The following KDM4B variants were observed in gnomAD, a reference collection of about 807,000 sequenced individuals.
KDM4B encodes lysine demethylase 4B.
Under a neutral mutation model 125.2 loss-of-function variants are expected in KDM4B, and 32 were observed. The ratio of observed to expected loss-of-function variants is 0.26; its 90% confidence interval spans 0.19 to 0.34. KDM4B has a LOEUF of 0.34. Among genes scored for constraint, KDM4B ranks in the 10% least tolerant of loss-of-function variants. KDM4B has a pLI of 1.00. For synonymous variants in KDM4B, 721 were observed against 677.9 expected, an observed-to-expected ratio of 1.06 and a Z score of -0.99; for missense variants, 1,190 against 1,577.7, an observed-to-expected ratio of 0.75 and a Z score of 4.16.
rs758602495 is a variant in KDM4B, at chr19:5,082,350, C to T, written c.781-17C>T. The T allele has an allele frequency of 6.2e-7, 1 of 1,613,304 alleles. No individual in the cohort carries two copies. The highest frequency in any genetic ancestry group is 8.5e-7 in the Non-Finnish European group (1 of 1,179,860). On this transcript the variant is annotated splice_polypyrimidine_tract_variant and intron_variant, in intron 8 of 22. Coordinates refer to ENST00000159111, the MANE Select transcript of KDM4B (RefSeq NM_015015.3). This position sits in a 1 kb window ranked among gnomAD's most constrained non-coding sequence, Gnocchi z 5.4. ...CTCTGGTGGCCCTGCCCTCACCTGT[C>T]TCCTTTCCCTCTGCAGATCACGCAG...
intron 2 of KDM4B, among the ~76,000 whole-genome samples, chr19:5,029,041 G>T (rs1414668906): frequency 1.3e-5 from 2 of 152,178 alleles, no homozygotes; most frequent in Non-Finnish European, 2.9e-5. Context: ...CTCCCAAGTA[G>T]CTGGGAGTAC....
At chr19:5,128,584 C>A (rs1015659835) in intron 11 of KDM4B, among the ~76,000 whole-genome samples, 1 of 152,206 alleles carries the variant, frequency 6.6e-6, no homozygotes, top group East Asian at 1.9e-4. Context: ...TTTACACACG[C>A]AGGACAGTGG....
chr19:5,016,636 C>T lies in KDM4B; in HGVS notation c.-26+297C>T, dbSNP rs190567755. ...AAAAGCTGTGGCTCCTCCTGCATTT[C>T]GGGTGACACTGGGGTTTCCCAGGAC... is the stretch of plus-strand genomic sequence containing the variant. On this transcript the variant is annotated intron_variant, in intron 2 of 22. Transcript: ENST00000159111. Among the ~76,000 whole-genome samples the T allele has an allele frequency of 4.6e-5, 7 of 152,330 alleles. No individual in the cohort carries two copies. In the East Asian group the frequency reaches 5.8e-4, roughly 13 times the overall value.
chr19:5,144,441 G>A (rs766568772), intron 20 of KDM4B, 29 bp downstream of exon 20: 2 of 1,538,560 alleles, frequency 1.3e-6, no homozygotes, highest in African/African-American at 1.4e-5. Flanking sequence ...CAGGGGGCGG[G>A]GGGAGGCTGG....
At chr19:4,986,882 T>C (rs996954222) in intron 1 of KDM4B, among the ~76,000 whole-genome samples, 1 of 152,096 alleles carries the variant, frequency 6.6e-6, no homozygotes, top group African/African-American at 2.4e-5. Context: ...CAGTGCCTGC[T>C]GCCTAGTCAG....
chr19:5,093,571 G>T (rs1420172759), intron 9 of KDM4B, among the ~76,000 whole-genome samples: 1 of 152,204 alleles, frequency 6.6e-6, no homozygotes, highest in Admixed American at 6.5e-5. Flanking sequence ...GAAACAGGGG[G>T]CCCACTCGTC....
chr19:5,043,473 G>T (rs2036899228), intron 5 of KDM4B, among the ~76,000 whole-genome samples: 1 of 128,010 alleles, frequency 7.8e-6, no homozygotes, highest in African/African-American at 3.0e-5. Flanking sequence ...TTATCGGAGT[G>T]GGGGTGTCCA....
intron 1 of KDM4B, among the ~76,000 whole-genome samples, chr19:5,013,576 G>A (rs1273770139): frequency 2.0e-5 from 3 of 152,146 alleles, no homozygotes; most frequent in African/African-American, 7.2e-5. Flanking sequence ...TCCTCTCCCA[G>A]CGTCTAGAGG....
rs2039961128 is a variant in KDM4B at position 5,152,223 on chromosome 19, C to A, written c.*712C>A. 1 of 152,264 alleles carries A rather than the reference C, an allele frequency of 6.6e-6. No individual in the cohort carries two copies. The highest frequency in any genetic ancestry group is 2.4e-5 in the African/African-American group (1 of 41,462). 9.4% of individuals were successfully genotyped at this position (152,264 alleles called of 1,614,324 possible). On this transcript the variant is annotated 3_prime_UTR_variant, in exon 23 of 23. Coordinates refer to ENST00000159111, the MANE Select transcript of KDM4B (RefSeq NM_015015.3). ...TCTGGTGCCAGTGCCTGTGCCCACT[C>A]TGTGCCTGCTGGGAGGAGGCCCAGG...
intron 10 of KDM4B, chr19:5,113,796 C>A: frequency 1.4e-6 from 1 of 716,402 alleles, no homozygotes; most frequent in Non-Finnish European, 1.7e-6. Context: ...CAAGGGATGG[C>A]ATCAGGGTGG....
At chr19:5,052,386 G>A (rs2037257883) in intron 6 of KDM4B, among the ~76,000 whole-genome samples, 1 of 149,456 alleles carries the variant, frequency 6.7e-6, no homozygotes, top group South Asian at 2.1e-4. Flanking sequence ...GGGTGGGGAG[G>A]GTGGGTTCCA....
At chr19:5,020,128 TGTTGGTGTGGATGTTGGTGTGCAGG>T in intron 2 of KDM4B, among the ~76,000 whole-genome samples, 1 of 107,274 alleles carries the variant, frequency 9.3e-6, no homozygotes, top group Non-Finnish European at 2.3e-5. Flanking sequence ...AGTGTGCAGG[TGTTGGTGTGGATGTTGGTGTGCAGG>T]TGTTGGTGTG....
At chr19:5,094,985 G>A (rs1342033907) in intron 9 of KDM4B, among the ~76,000 whole-genome samples, 1 of 151,980 alleles carries the variant, frequency 6.6e-6, no homozygotes, top group African/African-American at 2.4e-5. Flanking sequence ...CTCGGGGGCG[G>A]CGCCGGGGGC....
At chr19:5,097,907 G>A (rs954562686) in intron 9 of KDM4B, among the ~76,000 whole-genome samples, 1 of 152,244 alleles carries the variant, frequency 6.6e-6, no homozygotes, top group Admixed American at 6.5e-5. Flanking sequence ...GCTCAGCAGA[G>A]CCGTCGTGGA....
At chr19:5,061,090 C>T (rs1401077442) in intron 6 of KDM4B, among the ~76,000 whole-genome samples, 11 of 152,204 alleles carry the variant, frequency 7.2e-5, no homozygotes, top group Non-Finnish European at 7.3e-5. Context: ...GCCAGTGTGA[C>T]GACACCTCGT....
At chr19:5,080,261 C>T (rs952866748) in intron 8 of KDM4B, among the ~76,000 whole-genome samples, 1 of 152,248 alleles carries the variant, frequency 6.6e-6, no homozygotes, top group Non-Finnish European at 1.5e-5. Context: ...TGGCTGGCTT[C>T]TGAAAGCCTC....
intron 9 of KDM4B, among the ~76,000 whole-genome samples, chr19:5,084,257 C>T (rs777958182): frequency 4.2e-4 from 62 of 145,978 alleles, no homozygotes; most frequent in Middle Eastern, 3.6e-3. Context: ...AAAAAAAATA[C>T]GTATTTATAT....
chr19:5,130,050 C>T (rs1295272316), intron 11 of KDM4B, among the ~76,000 whole-genome samples: 1 of 152,210 alleles, frequency 6.6e-6, no homozygotes, highest in African/African-American at 2.4e-5. Context: ...TCTAGAGGCC[C>T]CTGCATCCCT....
intron 1 of KDM4B, among the ~76,000 whole-genome samples, chr19:4,992,294 C>T (rs1053521751): frequency 4.6e-5 from 7 of 152,242 alleles, no homozygotes; most frequent in African/African-American, 1.4e-4. Context: ...ATCTTTGTTA[C>T]GTACTGTGCT....
Sources: allele counts gnomAD v4.1 joint callset (sites outside exome capture counted in the v4.1 genomes callset), GRCh38; gene constraint gnomAD v4.1.1; non-coding constraint Gnocchi (gnomAD v3.1); transcripts MANE v1.5; gene names NCBI Gene and HGNC (gene_info 2026-07-23, HGNC 2026-07-21).